The following IGFBP5 variants were observed in gnomAD, a reference collection of about 807,000 sequenced individuals.
IGFBP5 encodes insulin-like growth factor-binding protein 5.
A neutral mutation model predicts 28.0 loss-of-function variants in IGFBP5; 12 were observed. The observed-to-expected ratio is 0.43, with a 90% CI of 0.27 to 0.69. IGFBP5 has a LOEUF of 0.69. Among genes scored for constraint, IGFBP5 ranks in the 30% least tolerant of loss-of-function variants. The pLI, the probability that IGFBP5 is intolerant of heterozygous loss-of-function variation, is 0.20. For missense variants in IGFBP5, 344 were observed against 381.6 expected, an observed-to-expected ratio of 0.90 and a Z score of 0.82; for synonymous variants, 152 against 150.2, an observed-to-expected ratio of 1.01 and a Z score of -0.09.
At position 216,679,738 on chromosome 2, in the gene IGFBP5, C is replaced by T. The variant is rs192377080; in HGVS notation, c.338-659G>A. Among the ~76,000 whole-genome samples, 47 of 152,088 alleles carry T rather than the reference C, an allele frequency of 3.1e-4. No individual in the cohort carries two copies. The highest frequency in any genetic ancestry group is 5.4e-4 in the Non-Finnish European group (37 of 67,982). ...GAGGGGAGAGCCAGAAATGTAGGCCCGGAGGGGACCGGCGTGGGGCCAAGT... is the reference window on the plus strand; with the variant it reads ...GAGGGGAGAGCCAGAAATGTAGGCCTGGAGGGGACCGGCGTGGGGCCAAGT... On this transcript the variant is annotated intron_variant, in intron 1 of 3. Transcript: ENST00000233813. The surrounding 1 kb of genome is among the most constrained non-coding windows in gnomAD (Gnocchi z 4.6).
chr2:216,676,550 CT>C lies in IGFBP5; in HGVS notation c.*200del, dbSNP rs1281298609. 10 of 387,338 alleles carry C rather than the reference CT, an allele frequency of 2.6e-5. No homozygotes were observed. The highest frequency in any genetic ancestry group is 1.3e-4 in the African/African-American group (6 of 47,526). The allele number at this position is 387,338 out of a possible 1,614,324, so 24.0% of individuals were successfully genotyped here. A position where few individuals can be genotyped will look rare whatever the true frequency, so the allele number is the denominator to read the frequency against. On this transcript the variant is annotated 3_prime_UTR_variant, in exon 4 of 4. Transcript: ENST00000233813. ...TTAAAGGGGGGGGGTGTCTTTTTAG[CT>C]TTTTGCATCTCTGTTGTTGCCATTT... is the stretch of plus-strand genomic sequence containing the variant.
chr2:216,677,787 T>C (rs1688920838), intron 3 of IGFBP5, among the ~76,000 whole-genome samples: 1 of 152,194 alleles, frequency 6.6e-6, no homozygotes, highest in South Asian at 2.1e-4. Context: ...AGAGAAAATA[T>C]GGTTTAAATT....
At chr2:216,681,981 G>A (rs1431692151) in intron 1 of IGFBP5, among the ~76,000 whole-genome samples, 2 of 152,120 alleles carry the variant, frequency 1.3e-5, no homozygotes, top group East Asian at 1.9e-4. Context: ...GTACTGCCCC[G>A]GGGCCAAGCA....
At position 216,679,214 on chromosome 2, in the gene IGFBP5, C is replaced by A. The variant is rs187314621; in HGVS notation, c.338-135G>T. The A allele has an allele frequency of 1.2e-3, 847 of 702,552 alleles. 3 individuals carry two copies. The highest frequency in any genetic ancestry group is 6.6e-4 in the Non-Finnish European group (254 of 387,688). 43.5% of individuals were successfully genotyped at this position (702,552 alleles called of 1,614,324 possible). On this transcript the variant is annotated intron_variant, in intron 1 of 3. Transcript: ENST00000233813. This position sits in a 1 kb window ranked among gnomAD's most constrained non-coding sequence, Gnocchi z 4.6. The stretch of plus-strand genomic sequence containing the variant: ...GTGTCTCTGCCCTCCTGGAGCACAC[C>A]CTGAAAGCAGGGGGATAAGAACCAG...
intron 1 of IGFBP5, among the ~76,000 whole-genome samples, chr2:216,691,013 A>C (rs922159986): frequency 6.6e-6 from 1 of 151,476 alleles, no homozygotes; most frequent in African/African-American, 2.4e-5. Flanking sequence ...GACTTGTTTC[A>C]GAGGGAGGGG....
Position 216,678,164 on chromosome 2 carries a change from C to T in IGFBP5, c.635G>A (p.Arg212His), listed in dbSNP as rs774742101. 1.7e-5 allele frequency: 27 copies of T among 1,595,288 alleles called. 1 individual carries two copies. Among genetic ancestry groups the T allele is most frequent in the South Asian group, 5.7e-5 (5 of 88,298 alleles). ...ELKASPRMVP[R>H]AVYLPNCDRK... Reference sequence around the variant, plus strand: ...GTCACAATTGGGCAGGTACACAGCACGGGGCACCATGCGTGGGCTGGCTTT... The same window carrying T: ...GTCACAATTGGGCAGGTACACAGCATGGGGCACCATGCGTGGGCTGGCTTT... The change falls in exon 3 of 4, where the codon CGT becomes CAT. Residue 212 changes from arginine (R) to histidine (H), a missense_variant. Arg to His is a conservative substitution (Grantham distance 29). Around this residue, in one of 3 missense-constraint regions of IGFBP5, gnomAD observed 304 missense variants for 329.2 expected, o/e 0.92. Transcript: ENST00000233813.
Position 216,695,178 on chromosome 2 carries a change from G to A in IGFBP5, c.-403C>T, listed in dbSNP as rs11575122. The stretch of plus-strand genomic sequence containing the variant: ...TGGAGATGGCGTTGGGGGTGGGAGA[G>A]AAAAATGGATTTATCTTTAAAATTT... On this transcript the variant is annotated 5_prime_UTR_variant, in exon 1 of 4. Transcript: ENST00000233813. The A allele has an allele frequency of 0.012, 1,952 of 169,138 alleles. 19 individuals are homozygous for A. The highest frequency in any genetic ancestry group is 0.019 in the Non-Finnish European group (1,511 of 79,818). The allele number at this position is 169,138 out of a possible 1,614,324, so 10.5% of individuals were successfully genotyped here. A position where few individuals can be genotyped will look rare whatever the true frequency, so the allele number is the denominator to read the frequency against.
chr2:216,689,638 C>G (rs1418267829), intron 1 of IGFBP5, among the ~76,000 whole-genome samples: 1 of 152,240 alleles, frequency 6.6e-6, no homozygotes, highest in Non-Finnish European at 1.5e-5. Context: ...GCTGGAGCCC[C>G]TGCGGGAAAG....
At chr2:216,689,215 G>C (rs1183495949) in intron 1 of IGFBP5, among the ~76,000 whole-genome samples, 1 of 152,172 alleles carries the variant, frequency 6.6e-6, no homozygotes, top group African/African-American at 2.4e-5. Context: ...CCGCTGCACA[G>C]CTCAGAGGCA....
chr2:216,687,336 T>C (rs1480005734), intron 1 of IGFBP5, among the ~76,000 whole-genome samples: 1 of 152,116 alleles, frequency 6.6e-6, no homozygotes, highest in African/African-American at 2.4e-5. Flanking sequence ...CCTGAAGATA[T>C]ATAGAGAAAA....
intron 1 of IGFBP5, among the ~76,000 whole-genome samples, chr2:216,686,401 A>G (rs1689034766): frequency 6.6e-6 from 1 of 152,128 alleles, no homozygotes; most frequent in South Asian, 2.1e-4. Context: ...GCTGTTGACA[A>G]TAGCTCAGTA....
chr2:216,689,187 G>A (rs2106224350), intron 1 of IGFBP5, among the ~76,000 whole-genome samples: 1 of 152,290 alleles, frequency 6.6e-6, no homozygotes, highest in East Asian at 1.9e-4. Flanking sequence ...TCTGCACCAT[G>A]TTCTTCAAGA....
chr2:216,676,589 C>A lies in IGFBP5; in HGVS notation c.*162G>T. 2.1e-6 allele frequency: 1 copy of A among 486,536 alleles called. No homozygotes were observed. The highest frequency in any genetic ancestry group is 3.6e-6 in the Non-Finnish European group (1 of 273,994). 30.1% of individuals were successfully genotyped at this position (486,536 alleles called of 1,614,324 possible). ...GTTGTTGCCATTTTCGAAGTTGAGC[C>A]CTTGCTAGAGATTCCGAGGTCCTCA... On this transcript the variant is annotated 3_prime_UTR_variant, in exon 4 of 4. Transcript: ENST00000233813.
Position 216,694,430 on chromosome 2 carries a change from C to A in IGFBP5, c.337+9G>T. Reference sequence around the variant, plus strand: ...CCGCGTAACTGACTGGCACACTGAGCGCGCTCACCGATCTTGACTTGCTCG... The same window carrying A: ...CCGCGTAACTGACTGGCACACTGAGAGCGCTCACCGATCTTGACTTGCTCG... On this transcript the variant is annotated intron_variant, in intron 1 of 3. Transcript: ENST00000233813. The surrounding 1 kb of genome is among the most constrained non-coding windows in gnomAD (Gnocchi z 5.2). The A allele has an allele frequency of 2.6e-6, 4 of 1,516,630 alleles. No individual in the cohort carries two copies. Among genetic ancestry groups the A allele is most frequent in the South Asian group, 1.3e-5 (1 of 78,938 alleles). The allele number at this position is 1,516,630 out of a possible 1,614,324, so 93.9% of individuals were successfully genotyped here.
Position 216,676,762 on chromosome 2 carries a change from T to C in IGFBP5, c.808A>G (p.Asn270Asp), listed in dbSNP as rs1043454044. 1.9e-6 allele frequency: 3 copies of C among 1,613,404 alleles called. No individual in the cohort carries two copies. Among genetic ancestry groups the C allele is most frequent in the Non-Finnish European group, 2.5e-6 (3 of 1,179,782 alleles). The change falls in exon 4 of 4, where the codon AAC (asparagine) becomes GAC (aspartate). Residue 270 changes from asparagine to aspartate, a missense_variant. Around this residue, in one of 3 missense-constraint regions of IGFBP5, gnomAD observed 36 missense variants for 34.1 expected, o/e 1.06. Transcript: ENST00000233813. ...DFQCHTFDSS[N>D]VE ...TGGGGGGGGACGCATCACTCAACGTTGCTGCTGTCGAAGGTGTGGCACTGA... is the reference window on the plus strand; with the variant it reads ...TGGGGGGGGACGCATCACTCAACGTCGCTGCTGTCGAAGGTGTGGCACTGA...
rs1689156553 is a variant in IGFBP5, at chr2:216,695,478, G to A, written c.-703C>T. 1 of 152,234 alleles carries A rather than the reference G, an allele frequency of 6.6e-6. No homozygotes were observed. Among genetic ancestry groups the A allele is most frequent in the Non-Finnish European group, 1.5e-5 (1 of 68,030 alleles). The allele number at this position is 152,234 out of a possible 1,614,324, so 9.4% of individuals were successfully genotyped here. ...AGGGGTAATGAAAAGGAGCAAAAAA[G>A]GGAAAAAGCCCACACTGCTTTGCAG... On this transcript the variant is annotated 5_prime_UTR_variant, in exon 1 of 4. Transcript: ENST00000233813.
intron 1 of IGFBP5, among the ~76,000 whole-genome samples, chr2:216,686,660 A>T (rs1293426190): frequency 3.6e-5 from 5 of 139,726 alleles, no homozygotes; most frequent in Admixed American, 7.3e-5. Flanking sequence ...ATTTACTTTG[A>T]CCTTTCTTTT....
chr2:216,677,833 C>T (rs887544144), intron 3 of IGFBP5, among the ~76,000 whole-genome samples: 4 of 152,098 alleles, frequency 2.6e-5, no homozygotes, highest in Admixed American at 6.5e-5. Flanking sequence ...ACGTGCTGTG[C>T]GATAGTGTTA....
At chr2:216,681,415 G>A (rs1017300264) in intron 1 of IGFBP5, among the ~76,000 whole-genome samples, 3 of 152,136 alleles carry the variant, frequency 2.0e-5, no homozygotes, top group African/African-American at 4.8e-5. Flanking sequence ...GAGTGGGCTG[G>A]CTGCTGACCA....
Sources: allele counts gnomAD v4.1 joint callset (sites outside exome capture counted in the v4.1 genomes callset), GRCh38; gene constraint gnomAD v4.1.1; regional missense constraint gnomAD v4.1.1; non-coding constraint Gnocchi (gnomAD v3.1); transcripts MANE v1.5; gene names NCBI Gene and HGNC (gene_info 2026-07-23, HGNC 2026-07-21).